The following UBR3 variants were observed in gnomAD, a reference collection of about 807,000 sequenced individuals.
UBR3 encodes ubiquitin protein ligase E3 component n-recognin 3.
In UBR3, 85 loss-of-function variants were observed where a neutral mutation model predicts 243.2. The observed-to-expected ratio is 0.35, with a 90% CI of 0.29 to 0.42. UBR3 has a LOEUF of 0.42. Among genes scored for constraint, UBR3 ranks in the 10% least tolerant of loss-of-function variants. UBR3 has a pLI of 1.00. For synonymous variants in UBR3, 748 were observed against 799.8 expected, an observed-to-expected ratio of 0.94 and a Z score of 1.09; for missense variants, 1,686 against 2,300.8, an observed-to-expected ratio of 0.73 and a Z score of 5.47.
intron 24 of UBR3, among the ~76,000 whole-genome samples, chr2:169,966,444 C>A (rs1559140604): frequency 6.6e-6 from 1 of 152,188 alleles, no homozygotes; most frequent in Non-Finnish European, 1.5e-5. Context: ...ATCCCACTAT[C>A]CAAATAACAT....
At chr2:169,846,525 C>T (rs753909345) in intron 1 of UBR3, among the ~76,000 whole-genome samples, 1 of 152,012 alleles carries the variant, frequency 6.6e-6, no homozygotes, top group Non-Finnish European at 1.5e-5. Flanking sequence ...GCCTGACCAA[C>T]GTGGTGAAAC....
In UBR3 at chr2:170,040,917, T is replaced by A. The variant is rs1214778460; in HGVS notation, c.4592T>A (p.Ile1531Asn). The change falls in exon 32 of 39, where the codon ATT (isoleucine) becomes AAT (asparagine). Residue 1531 changes from isoleucine (I) to asparagine (N), a missense_variant. This residue lies in a region of UBR3 where 371 missense variants were observed against 422.5 expected (regional missense o/e 0.88). Coordinates refer to ENST00000272793, the MANE Select transcript of UBR3 (RefSeq NM_172070.4). Reference sequence around the variant, plus strand: ...GAAGAACAACAGCCTGAGGTTCCAATTCTTTATCATGATGTAACATCCCTT... The same window carrying A: ...GAAGAACAACAGCCTGAGGTTCCAAATCTTTATCATGATGTAACATCCCTT... ...GYEEQQPEVP[I>N]LYHDVTSLLL... 6.2e-7 allele frequency: 1 copy of A among 1,613,538 alleles called. No homozygotes were observed. Among genetic ancestry groups the A allele is most frequent in the Non-Finnish European group, 8.5e-7 (1 of 1,179,728 alleles).
chr2:170,049,695 G>T (rs2091172600), intron 32 of UBR3, among the ~76,000 whole-genome samples: 1 of 152,032 alleles, frequency 6.6e-6, no homozygotes, highest in South Asian at 2.1e-4. Context: ...CCTTTCTATT[G>T]GATATCCTTT....
At chr2:170,034,625 G>A (rs1250130618) in intron 31 of UBR3, among the ~76,000 whole-genome samples, 4 of 151,986 alleles carry the variant, frequency 2.6e-5, no homozygotes, top group Non-Finnish European at 5.9e-5. Context: ...GAATAAAGCT[G>A]CTCTAAACAT....
chr2:169,931,586 T>G (rs1012875521), intron 18 of UBR3, among the ~76,000 whole-genome samples: 2 of 152,068 alleles, frequency 1.3e-5, no homozygotes, highest in Non-Finnish European at 2.9e-5. Context: ...TGTTTTCAAA[T>G]GTTAAGAATT....
At chr2:170,000,712 A>G (rs1008079026) in intron 26 of UBR3, among the ~76,000 whole-genome samples, 3 of 152,240 alleles carry the variant, frequency 2.0e-5, no homozygotes, top group African/African-American at 7.2e-5. Context: ...CTAAGTTTGC[A>G]GGGTAGTCAA....
Position 169,947,628 on chromosome 2 carries a change from T to C in UBR3, c.2997T>C (p.Tyr999=). ...CAAACATGCGACACTTTATAAACTA[T>C]GTTAGAGTAAGAGTTCCAGAGACTG... is the stretch of plus-strand genomic sequence containing the variant. ...LVSNMRHFIN[Y]VRVRVPETAP... is the part of the protein sequence containing the mutation. The change falls in exon 22 of 39, where the codon TAT becomes TAC. Residue 999 remains tyrosine, a synonymous_variant. Transcript: ENST00000272793. The C allele has an allele frequency of 6.5e-7, 1 of 1,541,910 alleles. No homozygotes were observed. The highest frequency in any genetic ancestry group is 8.8e-7 in the Non-Finnish European group (1 of 1,142,312).
chr2:169,867,868 C>T (rs1014329880), intron 1 of UBR3, among the ~76,000 whole-genome samples: 1 of 152,276 alleles, frequency 6.6e-6, no homozygotes, highest in African/African-American at 2.4e-5. Flanking sequence ...AGCAATTCCC[C>T]CAAATCGTGT....
chr2:169,952,703 AGTTT>A (rs1463130236), intron 23 of UBR3, among the ~76,000 whole-genome samples: 1 of 152,092 alleles, frequency 6.6e-6, no homozygotes, highest in East Asian at 1.9e-4. Flanking sequence ...CAAAAAAAAA[AGTTT>A]GTTATAAAAA....
chr2:169,905,337 C>G, intron 9 of UBR3, 44 bp downstream of exon 9: 1 of 1,364,118 alleles, frequency 7.3e-7, no homozygotes, highest in South Asian at 1.9e-5. Flanking sequence ...TTACAAAATT[C>G]CTAATGCTAA....
At chr2:170,025,392 A>T (rs1373324957) in intron 30 of UBR3, among the ~76,000 whole-genome samples, 1 of 152,184 alleles carries the variant, frequency 6.6e-6, no homozygotes, top group Non-Finnish European at 1.5e-5. Flanking sequence ...GGCTCTTGAA[A>T]GATGAACTGA....
At chr2:169,849,422 A>G (rs892242908) in intron 1 of UBR3, among the ~76,000 whole-genome samples, 3 of 152,122 alleles carry the variant, frequency 2.0e-5, no homozygotes, top group Admixed American at 1.3e-4. Flanking sequence ...GTTGAGTTCA[A>G]ATTTAATATT....
At chr2:169,902,075 A>G (rs1042393307) in intron 8 of UBR3, among the ~76,000 whole-genome samples, 6 of 152,242 alleles carry the variant, frequency 3.9e-5, no homozygotes, top group African/African-American at 1.4e-4. Context: ...GTACATGAGC[A>G]CATGAATGTG....
Position 169,914,155 on chromosome 2 carries a change from AT to A in UBR3, c.1866+14del. The A allele has an allele frequency of 6.9e-7, 1 of 1,459,662 alleles. No homozygotes were observed. Among genetic ancestry groups the A allele is most frequent in the Non-Finnish European group, 9.1e-7 (1 of 1,097,516 alleles). 90.4% of individuals were successfully genotyped at this position (1,459,662 alleles called of 1,614,324 possible). A position where few individuals can be genotyped will look rare whatever the true frequency, so the allele number is the denominator to read the frequency against. ...TTAACTTCGTAGACGAGGTATGTAT[AT>A]TTTTGATGTATGTAAATTTTTTGAT... On this transcript the variant is annotated intron_variant, in intron 11 of 38. Transcript: ENST00000272793.
chr2:170,037,307 A>G (rs1304901921), intron 31 of UBR3, among the ~76,000 whole-genome samples: 2 of 152,002 alleles, frequency 1.3e-5, no homozygotes, highest in Non-Finnish European at 2.9e-5. Context: ...CTCTTCCCCA[A>G]ACTCTGACTC....
intron 1 of UBR3, among the ~76,000 whole-genome samples, chr2:169,837,205 G>C (rs929601599): frequency 6.6e-6 from 1 of 152,228 alleles, no homozygotes; most frequent in African/African-American, 2.4e-5. Flanking sequence ...GAACGGGCCC[G>C]GAGGCTCACG....
intron 29 of UBR3, chr2:170,013,805 T>A (rs1478267598): frequency 9.8e-6 from 4 of 409,444 alleles, no homozygotes; most frequent in Non-Finnish European, 2.1e-5. Context: ...ATCTTAGTTT[T>A]TATAAGAGAA....
At chr2:170,076,331 C>T (rs2091809475) in intron 36 of UBR3, among the ~76,000 whole-genome samples, 1 of 152,212 alleles carries the variant, frequency 6.6e-6, no homozygotes, top group South Asian at 2.1e-4. Flanking sequence ...ACCTGCCTGG[C>T]TCATACACAC....
At chr2:169,984,840 G>C (rs2088922860) in intron 24 of UBR3, among the ~76,000 whole-genome samples, 1 of 152,102 alleles carries the variant, frequency 6.6e-6, no homozygotes, top group African/African-American at 2.4e-5. Context: ...AAAGTACTCT[G>C]CATGAAAATG....
Sources: allele counts gnomAD v4.1 joint callset (sites outside exome capture counted in the v4.1 genomes callset), GRCh38; gene constraint gnomAD v4.1.1; regional missense constraint gnomAD v4.1.1; transcripts MANE v1.5; gene names NCBI Gene and HGNC (gene_info 2026-07-23, HGNC 2026-07-21).